Variants in SLC67A2 observed in about 807,000 individuals in gnomAD.
SLC67A2 encodes the protein solute carrier family 67 member 2.
chr2:102,718,335 C>T, the SLC67A2 span: 6 of 1,513,606 alleles, frequency 4.0e-6, no homozygotes, highest in Non-Finnish European at 5.4e-6. Flanking sequence ...CCACCCCAAC[C>T]CTTTCCAAAG....
chr2:102,728,697 C>T, the SLC67A2 span, among the ~76,000 whole-genome samples: 2 of 152,158 alleles, frequency 1.3e-5, no homozygotes, highest in Non-Finnish European at 2.9e-5. Flanking sequence ...TACACCCTGG[C>T]CCTAAGCCTG....
At chr2:102,736,514 G>A in the SLC67A2 span, 2 of 1,584,724 alleles carry the variant, frequency 1.3e-6, no homozygotes, top group African/African-American at 2.7e-5. Context: ...AGCTTGATAG[G>A]TAGTGAGGCA....
At chr2:102,723,805 C>T in the SLC67A2 span, 73 of 1,614,090 alleles carry the variant, frequency 4.5e-5, no homozygotes, top group Non-Finnish European at 5.8e-5. Flanking sequence ...ATGAAGCCCA[C>T]ACCGGAGGCT....
At chr2:102,731,656 T>A in the SLC67A2 span, among the ~76,000 whole-genome samples, 1 of 152,148 alleles carries the variant, frequency 6.6e-6, no homozygotes, top group Non-Finnish European at 1.5e-5. Context: ...GAAATACAAA[T>A]CACGGCATGG....
the SLC67A2 span, among the ~76,000 whole-genome samples, chr2:102,731,708 C>T: frequency 6.6e-6 from 1 of 152,156 alleles, no homozygotes; most frequent in African/African-American, 2.4e-5. Flanking sequence ...TGTCCACAAA[C>T]ACTTGCTTGT....
the SLC67A2 span, chr2:102,730,874 C>A: frequency 4.2e-6 from 3 of 719,614 alleles, no homozygotes; most frequent in East Asian, 2.6e-5. Context: ...CTTTTGTTTA[C>A]ATTCTTTTTG....
the SLC67A2 span, chr2:102,719,303 T>C: frequency 8.0e-7 from 1 of 1,248,912 alleles, no homozygotes; most frequent in Non-Finnish European, 1.1e-6. Flanking sequence ...GTTAGATTAC[T>C]AATCTATATT....
At chr2:102,735,855 C>CAG in the SLC67A2 span, among the ~76,000 whole-genome samples, 1 of 150,880 alleles carries the variant, frequency 6.6e-6, no homozygotes, top group Admixed American at 6.6e-5. Context: ...CGCACACACA[C>CAG]ACACACACAC....
At chr2:102,724,243 C>T in the SLC67A2 span, among the ~76,000 whole-genome samples, 2,721 of 152,256 alleles carry the variant, frequency 0.018, 67 homozygotes, top group African/African-American at 0.062. Flanking sequence ...TTGCATTTCA[C>T]GGTGGCTTCC....
chr2:102,720,224 C>T, the SLC67A2 span, among the ~76,000 whole-genome samples: 5 of 152,092 alleles, frequency 3.3e-5, no homozygotes, highest in Non-Finnish European at 7.4e-5. Context: ...GTCATTTCTC[C>T]AAATATTGTA....
At chr2:102,718,914 C>T in the SLC67A2 span, 1 of 1,614,244 alleles carries the variant, frequency 6.2e-7, no homozygotes, top group East Asian at 2.2e-5. Flanking sequence ...AAGCGCTCCT[C>T]CAGGGCCAGG....
the SLC67A2 span, chr2:102,718,350 C>G: frequency 4.5e-6 from 7 of 1,567,970 alleles, no homozygotes; most frequent in East Asian, 1.6e-4. Context: ...CCAAAGTGCC[C>G]TTTTCATCAT....
At chr2:102,721,679 GTGTC>G in the SLC67A2 span, among the ~76,000 whole-genome samples, 23 of 151,716 alleles carry the variant, frequency 1.5e-4, no homozygotes, top group Non-Finnish European at 2.4e-4. Flanking sequence ...GTGTGTGTGT[GTGTC>G]TGTGTGTGTG....
At chr2:102,733,401 T>A in the SLC67A2 span, among the ~76,000 whole-genome samples, 1 of 152,212 alleles carries the variant, frequency 6.6e-6, no homozygotes, top group Admixed American at 6.5e-5. Flanking sequence ...CCCCCTTCCC[T>A]GTCCTGGTAG....
the SLC67A2 span, chr2:102,732,413 A>T: frequency 6.2e-6 from 10 of 1,603,430 alleles, no homozygotes; most frequent in Non-Finnish European, 7.7e-6. Context: ...ACAAATCCTA[A>T]AACAAAATAA....
the SLC67A2 span, chr2:102,716,767 TAAGAA>T: frequency 1.3e-5 from 2 of 152,136 alleles, no homozygotes; most frequent in African/African-American, 2.4e-5. Context: ...GTGGACTAAT[TAAGAA>T]AAGTAAAAGG....
the SLC67A2 span, among the ~76,000 whole-genome samples, chr2:102,729,092 T>A: frequency 2.0e-5 from 3 of 152,308 alleles, no homozygotes; most frequent in Admixed American, 2.0e-4. Flanking sequence ...AATTTATAAT[T>A]AAAATATGTG....
chr2:102,731,107 G>C, the SLC67A2 span: 2 of 1,580,864 alleles, frequency 1.3e-6, no homozygotes, highest in Non-Finnish European at 1.7e-6. Context: ...ATCAGCTAGA[G>C]CTATCACAAA....
At chr2:102,720,912 A>G in the SLC67A2 span, among the ~76,000 whole-genome samples, 2 of 152,204 alleles carry the variant, frequency 1.3e-5, no homozygotes, top group Non-Finnish European at 2.9e-5. Flanking sequence ...AAGCAGCATG[A>G]TGATATGTTC....
Sources: gnomAD v4.1 joint callset for allele counts (sites outside exome capture counted in the v4.1 genomes callset) on GRCh38, gnomAD v4.1.1 for gene constraint, MANE v1.5 for transcripts, NCBI Gene and HGNC (gene_info 2026-07-23, HGNC 2026-07-21) for gene names.